KANK1: variants seen among roughly 807,000 people sequenced by gnomAD.
KANK1 encodes KN motif and ankyrin repeat domains 1.
Under a neutral mutation model 106.2 loss-of-function variants are expected in KANK1, and 109 were observed. That is an observed-to-expected ratio of 1.03 (90% CI 0.88 to 1.20). KANK1 has a LOEUF of 1.20. Ranked by LOEUF, KANK1 falls within the 50% of genes most tolerant of loss-of-function variation. KANK1 has a pLI of 0.00. For missense variants in KANK1, 2,399 were observed against 1,710.7 expected, an observed-to-expected ratio of 1.40 and a Z score of -7.10; for synonymous variants, 873 against 652.2, an observed-to-expected ratio of 1.34 and a Z score of -5.16.
intron 1 of KANK1, among the ~76,000 whole-genome samples, chr9:592,351 G>T (rs1206937955): frequency 6.6e-6 from 1 of 151,788 alleles, no homozygotes. Flanking sequence ...GGGGGAGGGG[G>T]AACCATGTTA....
intron 1 of KANK1, among the ~76,000 whole-genome samples, chr9:647,999 C>CT (rs59053892): frequency 0.38 from 44,701 of 118,284 alleles, 10,753 homozygotes; most frequent in African/African-American, 0.64. Context: ...GGGTTGTTAT[C>CT]TTTTTTTTTT....
chr9:642,413 A>C (rs1838675305), intron 1 of KANK1, among the ~76,000 whole-genome samples: 1 of 150,936 alleles, frequency 6.6e-6, no homozygotes, highest in Non-Finnish European at 1.5e-5. Flanking sequence ...CTCTAAATTG[A>C]CTTACACTTG....
At chr9:700,705 T>C (rs1822447093) in intron 2 of KANK1, among the ~76,000 whole-genome samples, 1 of 152,150 alleles carries the variant, frequency 6.6e-6, no homozygotes. Flanking sequence ...GAGGGGACAA[T>C]AACATTAATG....
intron 1 of KANK1, among the ~76,000 whole-genome samples, chr9:662,920 C>T (rs546203541): frequency 1.1e-4 from 16 of 152,142 alleles, no homozygotes; most frequent in Non-Finnish European, 2.1e-4. Flanking sequence ...CCTTGGCCTC[C>T]CAAAGTCCTA....
intron 1 of KANK1, among the ~76,000 whole-genome samples, chr9:505,573 T>A (rs1195643339): frequency 1.3e-5 from 2 of 152,176 alleles, no homozygotes; most frequent in Admixed American, 1.3e-4. Flanking sequence ...CCGGGTCCCG[T>A]GGAACTTTCA....
upstream of KANK1, among the ~76,000 whole-genome samples, chr9:504,461 C>T (rs980797979): frequency 2.0e-5 from 3 of 151,586 alleles, no homozygotes; most frequent in African/African-American, 7.3e-5. Context: ...AAAGAGCGCC[C>T]CCGCGGGGAG....
intron 1 of KANK1, among the ~76,000 whole-genome samples, chr9:650,883 G>A (rs1840739809): frequency 2.0e-5 from 3 of 152,050 alleles, no homozygotes. Context: ...GTGGAGGGAA[G>A]GGCTGGAAGA....
At chr9:486,334 C>T (rs1285583684) in intron 3 of KANK1, among the ~76,000 whole-genome samples, 1 of 152,202 alleles carries the variant, frequency 6.6e-6, no homozygotes. Context: ...TGTCTTTCCT[C>T]TTGAAGTAAT....
chr9:595,672 T>G (rs1236586984), intron 1 of KANK1, among the ~76,000 whole-genome samples: 5 of 151,736 alleles, frequency 3.3e-5, no homozygotes, highest in Admixed American at 3.3e-4. Context: ...ACTGCAGGAA[T>G]GCACCACCAC....
chr9:728,202 T>G (rs1451203573), intron 3 of KANK1, among the ~76,000 whole-genome samples: 3 of 152,162 alleles, frequency 2.0e-5, no homozygotes, highest in African/African-American at 7.2e-5. Flanking sequence ...TTGTTTCTTT[T>G]GTTTTCTTGA....
intron 2 of KANK1, chr9:706,697 GATAACT>G: frequency 4.1e-6 from 3 of 739,084 alleles, no homozygotes; most frequent in Non-Finnish European, 5.0e-6. Flanking sequence ...AATGATAAAG[GATAACT>G]ACTTGCCACG....
At chr9:517,197 C>T (rs577338506) in intron 1 of KANK1, among the ~76,000 whole-genome samples, 14 of 151,880 alleles carry the variant, frequency 9.2e-5, no homozygotes, top group African/African-American at 2.2e-4. Context: ...CAACTTCCGA[C>T]GGTTCAAGCA....
chr9:480,655 A>G (rs1177375575), intron 3 of KANK1, among the ~76,000 whole-genome samples: 1 of 152,250 alleles, frequency 6.6e-6, no homozygotes, highest in Non-Finnish European at 1.5e-5. Flanking sequence ...TCCAGAAAGA[A>G]TTATTTTCGT....
chr9:558,310 G>T (rs1028609594), intron 1 of KANK1, among the ~76,000 whole-genome samples: 3 of 152,216 alleles, frequency 2.0e-5, no homozygotes, highest in Admixed American at 6.5e-5. Context: ...GTTATTATTT[G>T]TGGCAGTTAT....
At chr9:671,879 C>A (rs925657770) in intron 1 of KANK1, among the ~76,000 whole-genome samples, 1 of 151,872 alleles carries the variant, frequency 6.6e-6, no homozygotes, top group African/African-American at 2.4e-5. Context: ...ACCTGGGAGG[C>A]GGAGGTTGCA....
chr9:490,759 A>G (rs2058364330), intron 3 of KANK1, among the ~76,000 whole-genome samples: 1 of 152,206 alleles, frequency 6.6e-6, no homozygotes, highest in African/African-American at 2.4e-5. Flanking sequence ...TTGAGCACAT[A>G]TTATATACCA....
At chr9:539,984 C>A (rs981127709) in intron 1 of KANK1, among the ~76,000 whole-genome samples, 1 of 152,174 alleles carries the variant, frequency 6.6e-6, no homozygotes, top group African/African-American at 2.4e-5. Context: ...CATCTGCAAA[C>A]AGAGACAGAG....
intron 1 of KANK1, among the ~76,000 whole-genome samples, chr9:611,059 A>C (rs181412533): frequency 6.6e-6 from 1 of 152,230 alleles, no homozygotes; most frequent in East Asian, 1.9e-4. Flanking sequence ...CTCTGGCATT[A>C]TTATAATTAG....
At chr9:535,331 A>C (rs1323397031) in intron 1 of KANK1, among the ~76,000 whole-genome samples, 2 of 152,082 alleles carry the variant, frequency 1.3e-5, no homozygotes, top group African/African-American at 2.4e-5. Context: ...CAAAGGCCCT[A>C]CGTCTTCCCT....
Sources: gnomAD v4.1 joint callset for allele counts (sites outside exome capture counted in the v4.1 genomes callset) on GRCh38, gnomAD v4.1.1 for gene constraint, MANE v1.5 for transcripts, NCBI Gene and HGNC (gene_info 2026-07-23, HGNC 2026-07-21) for gene names.